Variants in TBC1D32 observed in about 807,000 individuals in gnomAD.
The protein encoded by TBC1D32 is TBC1 domain family member 32, also known as protein broad-minded.
In TBC1D32, 151 loss-of-function variants were observed where a neutral mutation model predicts 170.3. The ratio of observed to expected loss-of-function variants is 0.89; its 90% confidence interval spans 0.78 to 1.01. The LOEUF is 1.01. Ranked by LOEUF, TBC1D32 falls within the 50% of genes least tolerant of loss-of-function variation. TBC1D32 has a pLI of 0.00. For synonymous variants in TBC1D32, 498 were observed against 488.0 expected (o/e 1.02, Z -0.27); for missense variants, 1,464 against 1,457.1 (o/e 1.00, Z -0.08).
intron 21 of TBC1D32, among the ~76,000 whole-genome samples, chr6:121,220,640 C>CTTTTTTTTTTTTTTTTTTTTT (rs923251281): frequency 7.9e-6 from 1 of 126,210 alleles, no homozygotes; most frequent in Non-Finnish European, 1.6e-5. Flanking sequence ...TTTTCTTTTT[C>CTTTTTTTTTTTTTTTTTTTTT]TTTTTTTTTT....
chr6:121,131,838 A>AATTCCATATGT, intron 24 of TBC1D32, 86 bp from the exon 25 acceptor site: 8 of 1,057,576 alleles, frequency 7.6e-6, no homozygotes, highest in African/African-American at 1.6e-5. Flanking sequence ...AACAGTTGAA[A>AATTCCATATGT]ATTCCATATG....
chr6:121,270,885 C>T (rs1206825993), intron 15 of TBC1D32, among the ~76,000 whole-genome samples: 2 of 152,026 alleles, frequency 1.3e-5, no homozygotes, highest in Non-Finnish European at 2.9e-5. Flanking sequence ...AAACCGAATC[C>T]AGCAGCACAT....
chr6:121,210,416 T>C (rs1792888234), intron 21 of TBC1D32, among the ~76,000 whole-genome samples: 1 of 152,226 alleles, frequency 6.6e-6, no homozygotes, highest in African/African-American at 2.4e-5. Context: ...AATATCTTAC[T>C]GACGGGAATG....
intron 26 of TBC1D32, among the ~76,000 whole-genome samples, chr6:121,119,087 G>T (rs1323495409): frequency 1.3e-5 from 2 of 152,026 alleles, no homozygotes; most frequent in Admixed American, 6.6e-5. Context: ...TTCCATGATG[G>T]CACCAATTTG....
chr6:121,271,381 A>T (rs1300160075), intron 15 of TBC1D32, among the ~76,000 whole-genome samples: 1 of 152,174 alleles, frequency 6.6e-6, no homozygotes, highest in Non-Finnish European at 1.5e-5. Flanking sequence ...CTTGGCCCAA[A>T]ATCTCCTTAA....
At chr6:121,256,331 G>A (rs1799012701) in intron 15 of TBC1D32, 46 bp from the exon 16 acceptor site, 1 of 1,506,028 alleles carries the variant, frequency 6.6e-7, no homozygotes, top group South Asian at 1.2e-5. Context: ...TATTAATCTT[G>A]ACTTCATAAA....
In TBC1D32 at chr6:121,321,607, G is replaced by C. The variant is rs772813342; in HGVS notation, c.317+26C>G. On this transcript the variant is annotated intron_variant, in intron 2 of 31. Transcript: ENST00000398212. ...GACGTCTTGTTGAAGAAGGTTATTT[G>C]AAGATATTATTATGGCCATACTCAC... 1.3e-5 allele frequency: 20 copies of C among 1,599,512 alleles called. No homozygotes were observed. In the Admixed American group the frequency reaches 1.4e-4, roughly 11 times the overall value.
In TBC1D32 at chr6:121,268,359, C is replaced by G. The variant is rs116711225; in HGVS notation, c.1733+10762G>C. On this transcript the variant is annotated intron_variant, in intron 15 of 31. Transcript: ENST00000398212. Reference sequence around the variant, plus strand: ...AACCCATTGCAAACAAGCTAAAAATCTTCAGAAAAGATTAGATGAATGGCT... The same window carrying G: ...AACCCATTGCAAACAAGCTAAAAATGTTCAGAAAAGATTAGATGAATGGCT... Among the ~76,000 whole-genome samples the G allele has an allele frequency of 8.9e-3, 1,351 of 152,228 alleles. 27 individuals carry two copies. The highest frequency in any genetic ancestry group is 0.031 in the African/African-American group (1,277 of 41,520).
chr6:121,204,917 A>G (rs575752963), intron 22 of TBC1D32, among the ~76,000 whole-genome samples, 158 bp downstream of exon 22: 1 of 152,298 alleles, frequency 6.6e-6, no homozygotes. Context: ...TAATTGCCTT[A>G]ATTTACTTTG....
At chr6:121,225,685 T>A (rs1174013870) in intron 20 of TBC1D32, among the ~76,000 whole-genome samples, 1 of 152,080 alleles carries the variant, frequency 6.6e-6, no homozygotes, top group Non-Finnish European at 1.5e-5. Flanking sequence ...TCAACAACTG[T>A]ATTCAAACTA....
At chr6:121,268,386 A>ACTT (rs1800851445) in intron 15 of TBC1D32, among the ~76,000 whole-genome samples, 1 of 152,194 alleles carries the variant, frequency 6.6e-6, no homozygotes. Flanking sequence ...TGAATGGCTA[A>ACTT]CTAGAATAAA....
intron 22 of TBC1D32, among the ~76,000 whole-genome samples, chr6:121,202,997 G>A (rs756419633): frequency 6.6e-6 from 1 of 151,220 alleles, no homozygotes; most frequent in Non-Finnish European, 1.5e-5. Flanking sequence ...AATGGAACAA[G>A]CAATGAAAAA....
At chr6:121,216,037 A>G (rs530266801) in intron 21 of TBC1D32, among the ~76,000 whole-genome samples, 1 of 152,240 alleles carries the variant, frequency 6.6e-6, no homozygotes, top group Non-Finnish European at 1.5e-5. Context: ...AACTTGTTGA[A>G]TTGAAGGATG....
intron 24 of TBC1D32, among the ~76,000 whole-genome samples, chr6:121,157,377 C>A (rs925427565): frequency 6.6e-6 from 1 of 151,874 alleles, no homozygotes; most frequent in Non-Finnish European, 1.5e-5. Context: ...TTCTGCATCC[C>A]TTTGAGCCTG....
chr6:121,131,277 C>T (rs751105170), intron 25 of TBC1D32, among the ~76,000 whole-genome samples: 26 of 150,464 alleles, frequency 1.7e-4, no homozygotes, highest in Non-Finnish European at 3.0e-4. Context: ...AAAAGTGATT[C>T]AGAATAACAA....
At chr6:121,151,992 C>G (rs1333757649) in intron 24 of TBC1D32, among the ~76,000 whole-genome samples, 1 of 152,006 alleles carries the variant, frequency 6.6e-6, no homozygotes, top group Admixed American at 6.6e-5. Flanking sequence ...GGGCATTTAG[C>G]TTGTTTACAG....
At chr6:121,170,009 T>G (rs1046685393) in intron 22 of TBC1D32, among the ~76,000 whole-genome samples, 7 of 152,208 alleles carry the variant, frequency 4.6e-5, no homozygotes, top group Admixed American at 3.3e-4. Context: ...AATCAAAAAT[T>G]TTGTTCAATG....
At chr6:121,309,374 G>A (rs1432461124) in intron 4 of TBC1D32, among the ~76,000 whole-genome samples, 7 of 151,950 alleles carry the variant, frequency 4.6e-5, no homozygotes, top group South Asian at 2.1e-4. Flanking sequence ...ACTCATTTCC[G>A]ATATTTTTGA....
At chr6:121,228,333 T>G (rs533755157) in intron 20 of TBC1D32, among the ~76,000 whole-genome samples, 1 of 152,236 alleles carries the variant, frequency 6.6e-6, no homozygotes, top group Non-Finnish European at 1.5e-5. Flanking sequence ...CTCTTCTTTT[T>G]CTACTCCCTT....
Sources: gnomAD v4.1 joint callset for allele counts (sites outside exome capture counted in the v4.1 genomes callset) on GRCh38, gnomAD v4.1.1 for gene constraint, MANE v1.5 for transcripts, NCBI Gene and HGNC (gene_info 2026-07-23, HGNC 2026-07-21) for gene names.